ARF4: variants seen among roughly 807,000 people sequenced by gnomAD.
ARF4 encodes the protein ARF GTPase 4.
A neutral mutation model predicts 24.3 loss-of-function variants in ARF4; 5 were observed. The ratio of observed to expected loss-of-function variants is 0.21; its 90% CI spans 0.11 to 0.43. ARF4 has a LOEUF of 0.43. Ranked by LOEUF, ARF4 falls within the 20% of genes least tolerant of loss-of-function variation. The pLI, the probability that ARF4 is intolerant of heterozygous loss-of-function variation, is 1.00. For missense variants in ARF4, 107 were observed against 213.0 expected, an observed-to-expected ratio of 0.50 and a Z score of 3.10; for synonymous variants, 62 against 73.5, an observed-to-expected ratio of 0.84 and a Z score of 0.80.
At chr3:57,593,947 A>G (rs928280019) in intron 1 of ARF4, among the ~76,000 whole-genome samples, 1 of 152,190 alleles carries the variant, frequency 6.6e-6, no homozygotes, top group East Asian at 1.9e-4. Context: ...ATAATTATTT[A>G]AAAAATATAT....
chr3:57,575,078 G>A (rs1052314759), intron 5 of ARF4, among the ~76,000 whole-genome samples: 4 of 150,824 alleles, frequency 2.7e-5, no homozygotes, highest in Non-Finnish European at 4.4e-5. Context: ...TCAAACTCCC[G>A]ACCTCAGATG....
At chr3:57,573,773 A>T (rs748212808) in intron 5 of ARF4, among the ~76,000 whole-genome samples, 42 of 151,964 alleles carry the variant, frequency 2.8e-4, no homozygotes, top group Non-Finnish European at 5.0e-4. Context: ...GTAGAGACAG[A>T]GTTTTACCAT....
chr3:57,581,705 C>G (rs2069973887), intron 3 of ARF4, among the ~76,000 whole-genome samples: 2 of 152,092 alleles, frequency 1.3e-5, no homozygotes. Context: ...GAGGCTGAGG[C>G]AGGAGAATCG....
At position 57,574,683 on chromosome 3, in the gene ARF4, G is replaced by A. The variant is rs906418980; in HGVS notation, c.456+865C>T. Among the ~76,000 whole-genome samples the A allele has an allele frequency of 3.3e-5, 5 of 151,986 alleles. No individual in the cohort carries two copies. The South Asian group carries it at 1.0e-3, about 31-fold the overall frequency. ...TGGGTTCCCAAAGTATTGGGATTACGGGTGTGAGCCGTGGTACCTGGTCTC... is the reference window on the plus strand; with the variant it reads ...TGGGTTCCCAAAGTATTGGGATTACAGGTGTGAGCCGTGGTACCTGGTCTC... On this transcript the variant is annotated intron_variant, in intron 5 of 5. Transcript: ENST00000303436.
chr3:57,589,663 A>G (rs1359323882), intron 1 of ARF4, among the ~76,000 whole-genome samples: 1 of 149,496 alleles, frequency 6.7e-6, no homozygotes. Context: ...GGTTACAGTG[A>G]GCCCATACCG....
At chr3:57,593,744 T>C (rs2153409520) in intron 1 of ARF4, among the ~76,000 whole-genome samples, 2 of 152,250 alleles carry the variant, frequency 1.3e-5, no homozygotes, top group East Asian at 3.9e-4. Flanking sequence ...AGACTTAAAA[T>C]AGGACAATGC....
At chr3:57,576,770 A>C (rs1045288318) in intron 4 of ARF4, among the ~76,000 whole-genome samples, 2 of 152,120 alleles carry the variant, frequency 1.3e-5, no homozygotes, top group African/African-American at 4.8e-5. Context: ...AATCCAATCT[A>C]TGGGAAGGCT....
At chr3:57,572,853 ACT>A (rs1236537326) in intron 5 of ARF4, among the ~76,000 whole-genome samples, 1 of 152,124 alleles carries the variant, frequency 6.6e-6, no homozygotes, top group Non-Finnish European at 1.5e-5. Flanking sequence ...GGTTTTTATA[ACT>A]CTCGTTTCCC....
chr3:57,579,705 G>T (rs1024476797), intron 3 of ARF4, among the ~76,000 whole-genome samples: 1 of 152,146 alleles, frequency 6.6e-6, no homozygotes, highest in African/African-American at 2.4e-5. Flanking sequence ...TTAGCAAATT[G>T]TAAGTCCATT....
intron 2 of ARF4, 64 bp downstream of exon 2, chr3:57,584,320 C>A (rs2070011563): frequency 7.5e-7 from 1 of 1,326,164 alleles, no homozygotes; most frequent in Non-Finnish European, 1.1e-6. Context: ...AATCTCAAAA[C>A]TAGACTGTAT....
At chr3:57,578,546 CT>C in intron 3 of ARF4, among the ~76,000 whole-genome samples, 1 of 152,046 alleles carries the variant, frequency 6.6e-6, no homozygotes, top group Non-Finnish European at 1.5e-5. Flanking sequence ...GTAGCACAAT[CT>C]TGGCTCACTG....
At chr3:57,593,785 T>G (rs1174688113) in intron 1 of ARF4, among the ~76,000 whole-genome samples, 2 of 152,090 alleles carry the variant, frequency 1.3e-5, no homozygotes, top group African/African-American at 4.8e-5. Flanking sequence ...CCTGTAACCC[T>G]AGCACTTTTC....
At chr3:57,574,687 G>A (rs1397233984) in intron 5 of ARF4, among the ~76,000 whole-genome samples, 2 of 152,110 alleles carry the variant, frequency 1.3e-5, no homozygotes, top group Non-Finnish European at 2.9e-5. Context: ...GATTACGGGT[G>A]TGAGCCGTGG....
At chr3:57,582,666 G>C (rs1343052648) in intron 3 of ARF4, among the ~76,000 whole-genome samples, 1 of 152,070 alleles carries the variant, frequency 6.6e-6, no homozygotes, top group Non-Finnish European at 1.5e-5. Context: ...AACCCCACTT[G>C]TATGCAATGT....
Position 57,584,149 on chromosome 3 carries a change from G to A in ARF4, c.149-142C>T, listed in dbSNP as rs541710360. The A allele has an allele frequency of 5.1e-4, 364 of 710,672 alleles. 2 individuals are homozygous for A. Among genetic ancestry groups the A allele is most frequent in the Middle Eastern group, 1.6e-3 (4 of 2,508 alleles). The allele number at this position is 710,672 out of a possible 1,614,324, so 44.0% of individuals were successfully genotyped here. ...ATATTTAAGCCTAAACATCAACAGAGACAAGGCCTCATTATGTTATGCAGG... is the reference window on the plus strand; with the variant it reads ...ATATTTAAGCCTAAACATCAACAGAAACAAGGCCTCATTATGTTATGCAGG... On this transcript the variant is annotated intron_variant, in intron 2 of 5. Coordinates refer to ENST00000303436, the MANE Select transcript of ARF4 (RefSeq NM_001660.4).
intron 1 of ARF4, among the ~76,000 whole-genome samples, chr3:57,586,218 C>G (rs1393531571): frequency 1.3e-5 from 2 of 152,138 alleles, no homozygotes. Context: ...TCATATCTGG[C>G]CGCCTGGGTT....
At position 57,571,981 on chromosome 3, in the gene ARF4, G is replaced by A; in HGVS notation, c.*231C>T. 1 of 458,814 alleles carries A rather than the reference G, an allele frequency of 2.2e-6. No homozygotes were observed. The highest frequency in any genetic ancestry group is 3.9e-6 in the Non-Finnish European group (1 of 254,880). 28.4% of individuals were successfully genotyped at this position (458,814 alleles called of 1,614,324 possible). Reference sequence around the variant, plus strand: ...GTCCAGGCATTTACGCTTATGGGAAGTAAAATTAAAAGAGGATACTTTTTT... The same window carrying A: ...GTCCAGGCATTTACGCTTATGGGAAATAAAATTAAAAGAGGATACTTTTTT... On this transcript the variant is annotated 3_prime_UTR_variant, in exon 6 of 6. Coordinates refer to ENST00000303436, the MANE Select transcript of ARF4 (RefSeq NM_001660.4).
At chr3:57,576,793 T>C (rs1211599718) in intron 4 of ARF4, among the ~76,000 whole-genome samples, 1 of 152,186 alleles carries the variant, frequency 6.6e-6, no homozygotes, top group East Asian at 1.9e-4. Flanking sequence ...AAAATGCCAC[T>C]GTGAACCAAA....
intron 1 of ARF4, among the ~76,000 whole-genome samples, chr3:57,592,797 A>G (rs766037358): frequency 9.2e-5 from 14 of 152,164 alleles, no homozygotes; most frequent in Non-Finnish European, 2.1e-4. Flanking sequence ...GCTGGCAGTT[A>G]TATGTTCAAC....
Sources: gnomAD v4.1 joint callset for allele counts (sites outside exome capture counted in the v4.1 genomes callset) on GRCh38, gnomAD v4.1.1 for gene constraint, MANE v1.5 for transcripts, NCBI Gene and HGNC (gene_info 2026-07-23, HGNC 2026-07-21) for gene names.